CNKSR3: variants seen among roughly 807,000 people sequenced by gnomAD.
CNKSR3 encodes the protein CNKSR family member 3, also known as connector enhancer of kinase suppressor of ras 3.
Under a neutral mutation model 67.7 loss-of-function variants are expected in CNKSR3, and 36 were observed. The ratio of observed to expected loss-of-function variants is 0.53; its 90% CI spans 0.41 to 0.70. The LOEUF (loss-of-function observed/expected upper bound fraction) is 0.70. Among genes scored for constraint, CNKSR3 ranks in the 30% least tolerant of loss-of-function variants. CNKSR3 has a pLI of 0.00. For missense variants in CNKSR3, 630 were observed against 695.2 expected (o/e 0.91, Z 1.05); for synonymous variants, 281 against 271.4 (o/e 1.04, Z -0.35).
intron 1 of CNKSR3, among the ~76,000 whole-genome samples, chr6:154,491,866 C>T (rs952436406): frequency 3.3e-5 from 5 of 152,224 alleles, no homozygotes; most frequent in Non-Finnish European, 7.3e-5. Context: ...AGTTACCAAA[C>T]AGCTGATTAC....
intron 10 of CNKSR3, among the ~76,000 whole-genome samples, chr6:154,412,441 C>G (rs1784929851): frequency 6.6e-6 from 1 of 152,136 alleles, no homozygotes; most frequent in South Asian, 2.1e-4. Context: ...CTTTTCTTGC[C>G]ACTACTCCAG....
At chr6:154,428,493 A>G (rs1785299986) in intron 6 of CNKSR3, among the ~76,000 whole-genome samples, 1 of 152,200 alleles carries the variant, frequency 6.6e-6, no homozygotes, top group Non-Finnish European at 1.5e-5. Context: ...TGAGTGAATG[A>G]GTGAGGCACT....
intron 1 of CNKSR3, among the ~76,000 whole-genome samples, chr6:154,505,588 C>A (rs1016004063): frequency 6.6e-6 from 1 of 150,714 alleles, no homozygotes. Context: ...GCCTCCGCCT[C>A]CCGGGTTCAT....
At chr6:154,476,084 A>G (rs1276032577) in intron 1 of CNKSR3, among the ~76,000 whole-genome samples, 1 of 152,128 alleles carries the variant, frequency 6.6e-6, no homozygotes, top group Non-Finnish European at 1.5e-5. Flanking sequence ...AAACAAAATG[A>G]GTCCTCCTTC....
intron 1 of CNKSR3, among the ~76,000 whole-genome samples, chr6:154,476,693 CCT>C (rs928673371): frequency 6.6e-6 from 1 of 151,984 alleles, no homozygotes; most frequent in Non-Finnish European, 1.5e-5. Context: ...ATCGGTAGGC[CCT>C]GTCATTATGG....
At chr6:154,429,637 T>C (rs904643713) in intron 6 of CNKSR3, among the ~76,000 whole-genome samples, 1 of 152,116 alleles carries the variant, frequency 6.6e-6, no homozygotes, top group Non-Finnish European at 1.5e-5. Flanking sequence ...ATTGGTTGAT[T>C]TTTGTTTTTT....
chr6:154,416,134 G>A (rs1487891179), intron 9 of CNKSR3, among the ~76,000 whole-genome samples: 3 of 152,020 alleles, frequency 2.0e-5, no homozygotes, highest in Admixed American at 6.6e-5. Flanking sequence ...AAACAAAAAC[G>A]AAAACAAAAA....
intron 1 of CNKSR3, among the ~76,000 whole-genome samples, chr6:154,466,912 C>T (rs1786214772): frequency 6.6e-6 from 1 of 151,846 alleles, no homozygotes; most frequent in East Asian, 1.9e-4. Flanking sequence ...GGAGTGAGCT[C>T]AGCCCACCTG....
intron 1 of CNKSR3, among the ~76,000 whole-genome samples, chr6:154,489,936 C>T (rs938679062): frequency 3.3e-5 from 5 of 152,158 alleles, no homozygotes; most frequent in African/African-American, 1.2e-4. Context: ...CCGGGGAACA[C>T]TCCCCTCCAA....
chr6:154,397,771 C>G lies in CNKSR3; in HGVS notation c.*8583G>C, dbSNP rs1040994487. The G allele has an allele frequency of 2.6e-5, 4 of 151,554 alleles. No individual in the cohort carries two copies. Among genetic ancestry groups the G allele is most frequent in the African/African-American group, 9.7e-5 (4 of 41,112 alleles). The allele number at this position is 151,554 out of a possible 1,614,324, so 9.4% of individuals were successfully genotyped here. The stretch of plus-strand genomic sequence containing the variant: ...CAGTGCAGTGGGGGTGTGTGAGATG[C>G]ACAGGGCAGACAGTACAGCCTGCAA... On this transcript the variant is annotated 3_prime_UTR_variant, in exon 13 of 13. Coordinates refer to ENST00000607772, the MANE Select transcript of CNKSR3 (RefSeq NM_173515.4).
At chr6:154,462,924 C>T (rs759393022) in intron 1 of CNKSR3, among the ~76,000 whole-genome samples, 21 of 152,132 alleles carry the variant, frequency 1.4e-4, no homozygotes, top group Non-Finnish European at 1.9e-4. Context: ...CTGCCCAGCA[C>T]AGAGGAAGCA....
At chr6:154,506,352 A>G (rs1391939963) in intron 1 of CNKSR3, among the ~76,000 whole-genome samples, 1 of 152,214 alleles carries the variant, frequency 6.6e-6, no homozygotes, top group African/African-American at 2.4e-5. Flanking sequence ...GAGAAAGAAG[A>G]AAAGAAACAA....
At chr6:154,443,002 A>T (rs898856995) in intron 2 of CNKSR3, among the ~76,000 whole-genome samples, 1 of 152,138 alleles carries the variant, frequency 6.6e-6, no homozygotes, top group Non-Finnish European at 1.5e-5. Context: ...GGTTCAAGTG[A>T]ATCTCCTGCC....
chr6:154,502,178 C>A (rs936816784), intron 1 of CNKSR3, among the ~76,000 whole-genome samples: 2 of 150,552 alleles, frequency 1.3e-5, no homozygotes, highest in African/African-American at 4.9e-5. Flanking sequence ...ATGCAAAGGG[C>A]TTTCCCTATA....
At chr6:154,429,627 ATTGGTTGAT>A (rs1187822503) in intron 6 of CNKSR3, among the ~76,000 whole-genome samples, 11 of 152,096 alleles carry the variant, frequency 7.2e-5, no homozygotes, top group Non-Finnish European at 8.8e-5. Context: ...CCTGTCAACA[ATTGGTTGAT>A]TTTTGTTTTT....
Position 154,399,057 on chromosome 6 carries a change from C to A in CNKSR3, c.*7297G>T, listed in dbSNP as rs1257752828. 6.8e-6 allele frequency: 1 copy of A among 147,362 alleles called. No individual in the cohort carries two copies. The highest frequency in any genetic ancestry group is 1.5e-5 in the Non-Finnish European group (1 of 67,186). 9.1% of individuals were successfully genotyped at this position (147,362 alleles called of 1,614,324 possible). ...TCGTACCATTGCACTCCAGCCTGGGCAACAAGACTGAAACTCCGTCTCAAA... is the reference window on the plus strand; with the variant it reads ...TCGTACCATTGCACTCCAGCCTGGGAAACAAGACTGAAACTCCGTCTCAAA... On this transcript the variant is annotated 3_prime_UTR_variant, in exon 13 of 13. Coordinates refer to ENST00000607772, the MANE Select transcript of CNKSR3 (RefSeq NM_173515.4).
intron 2 of CNKSR3, among the ~76,000 whole-genome samples, chr6:154,448,327 A>G (rs1223807313): frequency 1.3e-5 from 2 of 151,308 alleles, no homozygotes; most frequent in Non-Finnish European, 2.9e-5. Flanking sequence ...CTGTCCTCAA[A>G]GTATTACTGC....
chr6:154,473,507 C>T (rs954078262), intron 1 of CNKSR3, among the ~76,000 whole-genome samples: 3 of 152,156 alleles, frequency 2.0e-5, no homozygotes, highest in Non-Finnish European at 4.4e-5. Context: ...CCCCTGCCTC[C>T]ACCTCCTGCC....
intron 1 of CNKSR3, 131 bp from the exon 2 acceptor site, chr6:154,450,389 G>T: frequency 1.1e-6 from 1 of 917,698 alleles, no homozygotes; most frequent in Non-Finnish European, 1.6e-6. Flanking sequence ...TCTATGTGAG[G>T]CCTATTGCAC....
Sources: allele counts gnomAD v4.1 joint callset (sites outside exome capture counted in the v4.1 genomes callset), GRCh38; gene constraint gnomAD v4.1.1; transcripts MANE v1.5; gene names NCBI Gene and HGNC (gene_info 2026-07-23, HGNC 2026-07-21).